ELAVL4: variants seen among roughly 807,000 people sequenced by gnomAD.
ELAVL4 encodes ELAV-like protein 4.
ELAVL4 carries 1 observed loss-of-function variant against 35.6 expected under a neutral mutation model. That is an observed-to-expected ratio of 0.03 (90% CI 0.01 to 0.13). The LOEUF (loss-of-function observed/expected upper bound fraction) is 0.13. Among genes scored for constraint, ELAVL4 ranks in the 10% least tolerant of loss-of-function variants. ELAVL4 has a pLI of 1.00. For missense variants in ELAVL4, 267 were observed against 464.9 expected (o/e 0.57, Z 3.91); for synonymous variants, 156 against 171.0 (o/e 0.91, Z 0.69).
chr1:50,080,592 A>G (rs1179545959), intron 1 of ELAVL4, among the ~76,000 whole-genome samples: 2 of 152,200 alleles, frequency 1.3e-5, no homozygotes, highest in Non-Finnish European at 2.9e-5. Flanking sequence ...TGACATCTCC[A>G]TCAGAAAATC....
intron 3 of ELAVL4, chr1:50,180,947 A>G (rs1440823317): frequency 6.6e-6 from 1 of 152,146 alleles, no homozygotes; most frequent in Non-Finnish European, 1.5e-5. Context: ...GCTTAATATC[A>G]TTTCATCTTT....
At chr1:50,082,298 A>T (rs925266770) in intron 1 of ELAVL4, among the ~76,000 whole-genome samples, 2 of 152,218 alleles carry the variant, frequency 1.3e-5, no homozygotes, top group Non-Finnish European at 2.9e-5. Flanking sequence ...TCCTACCATC[A>T]GTGTAAAAGC....
At chr1:50,166,481 A>G (rs1379218103) in intron 2 of ELAVL4, among the ~76,000 whole-genome samples, 3 of 152,200 alleles carry the variant, frequency 2.0e-5, no homozygotes, top group Non-Finnish European at 4.4e-5. Flanking sequence ...ATGCACAAAC[A>G]TGTCTTTAGC....
At chr1:50,066,898 T>A (rs536293760) in intron 1 of ELAVL4, among the ~76,000 whole-genome samples, 1 of 152,284 alleles carries the variant, frequency 6.6e-6, no homozygotes, top group African/African-American at 2.4e-5. Context: ...AAATATAGCA[T>A]GTCCCATTTT....
chr1:50,158,633 C>T (rs1676175232), intron 2 of ELAVL4, among the ~76,000 whole-genome samples: 2 of 152,176 alleles, frequency 1.3e-5, no homozygotes, highest in Non-Finnish European at 2.9e-5. Flanking sequence ...ATGTCTGACT[C>T]CCCTCCCCAC....
intron 2 of ELAVL4, among the ~76,000 whole-genome samples, chr1:50,150,101 T>C (rs2148710610): frequency 6.6e-6 from 1 of 152,330 alleles, no homozygotes; most frequent in Middle Eastern, 3.4e-3. Flanking sequence ...TTTATTCCTC[T>C]GTGCTTTGGA....
At chr1:50,175,680 A>G (rs1008442226) in intron 2 of ELAVL4, 1 of 152,180 alleles carries the variant, frequency 6.6e-6, no homozygotes, top group African/African-American at 2.4e-5. Flanking sequence ...TCTTTGCTCC[A>G]TCCTATAACA....
intron 1 of ELAVL4, among the ~76,000 whole-genome samples, chr1:50,048,631 C>A (rs534534142): frequency 6.6e-6 from 1 of 152,194 alleles, no homozygotes; most frequent in African/African-American, 2.4e-5. Context: ...ATCAGGGTCC[C>A]GAGGCGCTGG....
chr1:50,082,920 C>T (rs1347346812), intron 1 of ELAVL4, among the ~76,000 whole-genome samples: 1 of 152,154 alleles, frequency 6.6e-6, no homozygotes, highest in Non-Finnish European at 1.5e-5. Flanking sequence ...CTTCATTGTG[C>T]CTTGTACCCA....
upstream of ELAVL4, among the ~76,000 whole-genome samples, chr1:50,103,317 A>G (rs1027725988): frequency 3.3e-5 from 5 of 152,218 alleles, no homozygotes; most frequent in Admixed American, 6.5e-5. Context: ...CTCACAGAGA[A>G]CATTCGACAG....
upstream of ELAVL4, among the ~76,000 whole-genome samples, chr1:50,100,811 C>T (rs1665938368): frequency 6.6e-6 from 1 of 152,152 alleles, no homozygotes; most frequent in African/African-American, 2.4e-5. Flanking sequence ...TGGAACAGAC[C>T]ATTCAGCCTT....
chr1:50,128,515 C>G (rs1374492654), intron 1 of ELAVL4, among the ~76,000 whole-genome samples: 1 of 152,026 alleles, frequency 6.6e-6, no homozygotes, highest in Admixed American at 6.6e-5. Flanking sequence ...GAATCAAACA[C>G]AGTCGCAGTC....
intron 1 of ELAVL4, among the ~76,000 whole-genome samples, chr1:50,077,497 G>A (rs1005360148): frequency 6.6e-6 from 1 of 152,110 alleles, no homozygotes; most frequent in Non-Finnish European, 1.5e-5. Flanking sequence ...ATTAGGGAGG[G>A]CAAATGACTT....
intron 1 of ELAVL4, among the ~76,000 whole-genome samples, chr1:50,081,071 C>G (rs979532716): frequency 1.3e-5 from 2 of 152,126 alleles, no homozygotes; most frequent in Non-Finnish European, 2.9e-5. Flanking sequence ...GGCTTTCTGA[C>G]AAAAGGAAAA....
intron 2 of ELAVL4, among the ~76,000 whole-genome samples, chr1:50,167,260 A>G (rs1234473395): frequency 6.6e-6 from 1 of 152,202 alleles, no homozygotes; most frequent in Non-Finnish European, 1.5e-5. Flanking sequence ...GAACATGGTA[A>G]TATCAGTGGA....
intron 1 of ELAVL4, among the ~76,000 whole-genome samples, chr1:50,084,003 C>T (rs1665124849): frequency 6.6e-6 from 1 of 152,122 alleles, no homozygotes; most frequent in African/African-American, 2.4e-5. Flanking sequence ...CCTTGAATGC[C>T]TAGTAGGCCA....
chr1:50,092,275 A>C (rs1665529194), intron 1 of ELAVL4, among the ~76,000 whole-genome samples: 1 of 152,188 alleles, frequency 6.6e-6, no homozygotes, highest in African/African-American at 2.4e-5. Context: ...TGATGTCACA[A>C]AGGTGACATT....
intron 1 of ELAVL4, among the ~76,000 whole-genome samples, chr1:50,070,490 C>G (rs936310217): frequency 6.6e-6 from 1 of 152,142 alleles, no homozygotes; most frequent in Non-Finnish European, 1.5e-5. Context: ...TGCCTGTAAT[C>G]CCAGCACTTT....
At chr1:50,110,400 G>T (rs959001528) in intron 1 of ELAVL4, among the ~76,000 whole-genome samples, 9 of 152,164 alleles carry the variant, frequency 5.9e-5, no homozygotes, top group Non-Finnish European at 1.3e-4. Flanking sequence ...GAGGAGGTGA[G>T]ATTCAGTACC....
Sources: gnomAD v4.1 joint callset for allele counts (sites outside exome capture counted in the v4.1 genomes callset) on GRCh38, gnomAD v4.1.1 for gene constraint, MANE v1.5 for transcripts, NCBI Gene and HGNC (gene_info 2026-07-23, HGNC 2026-07-21) for gene names.